GFUS: variants seen among roughly 807,000 people sequenced by gnomAD.
GFUS encodes 3-5 epimerase/4-reductase.
A neutral mutation model predicts 41.5 loss-of-function variants in GFUS; 42 were observed. That is an observed-to-expected ratio of 1.01 (90% CI 0.79 to 1.31). The LOEUF (loss-of-function observed/expected upper bound fraction) is 1.31, where lower values mean the gene tolerates loss of function less well. Ranked by LOEUF, GFUS falls within the 50% of genes most tolerant of loss-of-function variation. The pLI, the probability that GFUS is intolerant of heterozygous loss-of-function variation, is 0.00. For missense variants in GFUS, 437 were observed against 428.7 expected (o/e 1.02, Z -0.17); for synonymous variants, 188 against 173.4 (o/e 1.08, Z -0.66).
Position 143,616,143 on chromosome 8 carries a change from C to T in GFUS, c.224G>A (p.Gly75Asp). Residue 75 changes from glycine to aspartate, a missense_variant, in exon 3 of 11, where the codon GGC becomes GAC. Physicochemically the swap from Gly to Asp is moderately conservative, Grantham distance 94 (BLOSUM62 -1). Transcript: ENST00000425753. The stretch of plus-strand genomic sequence containing the variant: ...ATTGTATTTGATATTCCGGAACAGG[C>T]CCCCCACCATTGCAGCAAGATGGAT... ...HVIHLAAMVG[G>D]LFRNIKYNLD... 10 of 1,611,176 alleles carry T rather than the reference C, an allele frequency of 6.2e-6. No individual in the cohort carries two copies. The highest frequency in any genetic ancestry group is 7.6e-6 in the Non-Finnish European group (9 of 1,178,240).
rs1829641427 is a variant in GFUS, at chr8:143,613,746, C to T, written c.730+5G>A. The T allele has an allele frequency of 1.3e-6, 2 of 1,551,640 alleles. No homozygotes were observed. The highest frequency in any genetic ancestry group is 1.7e-6 in the Non-Finnish European group (2 of 1,147,406). On this transcript the variant is annotated splice_donor_5th_base_variant and intron_variant, in intron 8 of 10. Transcript: ENST00000425753. ...AGGAAGGGGGCTGAGGGCTGAGGTACCCACCGGAGAGGATGATGGGCTCCA... is the reference window on the plus strand; with the variant it reads ...AGGAAGGGGGCTGAGGGCTGAGGTATCCACCGGAGAGGATGATGGGCTCCA...
intron 7 of GFUS, 56 bp downstream of exon 7, chr8:143,614,108 G>A (rs987304727): frequency 6.2e-7 from 1 of 1,603,996 alleles, no homozygotes; most frequent in Non-Finnish European, 8.5e-7. Context: ...GCAGGGGCCA[G>A]CCCAGGGCTC....
intron 9 of GFUS, 34 bp from the exon 10 acceptor site, chr8:143,613,329 C>T (rs2242086): frequency 1.3e-6 from 2 of 1,596,608 alleles, no homozygotes; most frequent in Admixed American, 1.7e-5. Flanking sequence ...GCGAGAAGAG[C>T]ACCTCCACCC....
intron 9 of GFUS, 32 bp from the exon 10 acceptor site, chr8:143,613,327 A>G: frequency 6.2e-7 from 1 of 1,601,424 alleles, no homozygotes; most frequent in Admixed American, 1.7e-5. Flanking sequence ...CAGCGAGAAG[A>G]GCACCTCCAC....
chr8:143,615,729 G>A (rs1158936364), intron 3 of GFUS, among the ~76,000 whole-genome samples: 1 of 152,164 alleles, frequency 6.6e-6, no homozygotes, highest in Non-Finnish European at 1.5e-5. Flanking sequence ...TGGTGGGCCC[G>A]GCTAAGGGGA....
Position 143,614,776 on chromosome 8 carries a change from C to G in GFUS, c.390+11G>C, listed in dbSNP as rs752309215. On this transcript the variant is annotated intron_variant, in intron 4 of 10. Transcript: ENST00000425753. ...CCCCGGCCCCACCCACAGCCAGGCC[C>G]TGCCCCTCACCATGGTCTCATCTAT... The G allele has an allele frequency of 2.9e-5, 47 of 1,613,430 alleles. No homozygotes were observed. The highest frequency in any genetic ancestry group is 3.8e-5 in the Non-Finnish European group (45 of 1,180,020).
In GFUS at chr8:143,614,311, C is replaced by A. The variant is rs117266464; in HGVS notation, c.598+9G>T. 2.4e-3 allele frequency: 3,861 copies of A among 1,613,480 alleles called. 50 individuals are homozygous for A. Among genetic ancestry groups the A allele is most frequent in the East Asian group, 0.023 (1,011 of 44,872 alleles). ...GAGCCCGGGCACCCCATCGGACGGACGCACTCACTCTTGGCCAGGTGCACC... is the reference window on the plus strand; with the variant it reads ...GAGCCCGGGCACCCCATCGGACGGAAGCACTCACTCTTGGCCAGGTGCACC... On this transcript the variant is annotated intron_variant, in intron 6 of 10. Transcript: ENST00000425753.
chr8:143,614,852 C>G lies in GFUS; in HGVS notation c.325G>C (p.Val109Leu). The G allele has an allele frequency of 6.2e-7, 1 of 1,613,732 alleles. No homozygotes were observed. ...ATACAGGTGGACAGGCAGGACACCA[C>G]CTTGCGGGCGCCCACCTCAAAGGCC... ...HSAFEVGARK[V>L]VSCLSTCIFP... Residue 109 changes from valine (V) to leucine (L), a missense_variant, in exon 4 of 11, where the codon GTG becomes CTG. Val to Leu is a conservative substitution (Grantham distance 32). Transcript: ENST00000425753.
intron 1 of GFUS, 200 bp from the exon 2 acceptor site, chr8:143,616,923 G>A: frequency 1.6e-6 from 1 of 633,274 alleles, no homozygotes; most frequent in South Asian, 2.0e-5. Context: ...GCGCCGCAGG[G>A]GTCCTGAGCT....
intron 3 of GFUS, among the ~76,000 whole-genome samples, chr8:143,615,551 C>T (rs1829704719): frequency 6.6e-6 from 1 of 152,186 alleles, no homozygotes; most frequent in African/African-American, 2.4e-5. Flanking sequence ...CTAGTGCCTC[C>T]TACGCTTAGC....
intron 5 of GFUS, 37 bp downstream of exon 5, chr8:143,614,587 A>T (rs1471179687): frequency 6.4e-7 from 1 of 1,562,334 alleles, no homozygotes; most frequent in Non-Finnish European, 8.7e-7. Flanking sequence ...CCTCTCCCCG[A>T]CTCCTGGCTG....
chr8:143,614,841 G>C lies in GFUS; in HGVS notation c.336C>G (p.Cys112Trp). 1 of 1,613,838 alleles carries C rather than the reference G, an allele frequency of 6.2e-7. No individual in the cohort carries two copies. The highest frequency in any genetic ancestry group is 8.5e-7 in the Non-Finnish European group (1 of 1,179,992). Residue 112 changes from cysteine (C) to tryptophan (W), a missense_variant, in exon 4 of 11, where the codon TGC becomes TGG. By Grantham distance (215) the Cys-to-Trp change is radical. Transcript: ENST00000425753. ...TGTCAGGGAAGATACAGGTGGACAG[G>C]CAGGACACCACCTTGCGGGCGCCCA... ...FEVGARKVVS[C>W]LSTCIFPDKT...
chr8:143,615,522 C>T (rs1245879659), intron 3 of GFUS, among the ~76,000 whole-genome samples: 1 of 152,178 alleles, frequency 6.6e-6, no homozygotes, highest in East Asian at 1.9e-4. Context: ...GCAGAATCTC[C>T]TCTGAGCCTC....
Position 143,616,092 on chromosome 8 carries a change from C to T in GFUS, c.261+14G>A, listed in dbSNP as rs1366543868. On this transcript the variant is annotated intron_variant, in intron 3 of 10. Coordinates refer to ENST00000425753, the MANE Select transcript of GFUS (RefSeq NM_003313.4). ...TCCTGGTTTCCAGTGCTTGCTGGGG[C>T]CACCCTCACTTACCCAGAAGTCCAA... 1.3e-6 allele frequency: 2 copies of T among 1,553,848 alleles called. No individual in the cohort carries two copies. Among genetic ancestry groups the T allele is most frequent in the South Asian group, 2.4e-5 (2 of 83,556 alleles).
Position 143,614,354 on chromosome 8 carries a change from C to G in GFUS, c.564G>C (p.Leu188=), listed in dbSNP as rs778848191. The G allele has an allele frequency of 4.3e-6, 7 of 1,613,858 alleles. No individual in the cohort carries two copies. The East Asian group carries it at 1.3e-4, about 31-fold the overall frequency. Residue 188 remains leucine, a synonymous_variant, in exon 6 of 11, where the codon CTG becomes CTC. Transcript: ENST00000425753. The part of the protein sequence containing the change: ...DNFNIEDGHV[L]PGLIHKVHLA... ...GGTGCACCTTGTGGATGAGGCCAGG[C>G]AGCACGTGGCCATCCTCGATGTTGA... is the stretch of plus-strand genomic sequence containing the variant.
At position 143,616,112 on chromosome 8, in the gene GFUS, G is replaced by A. The variant is rs766037304; in HGVS notation, c.255C>T (p.Asp85=). The change falls in exon 3 of 11, where the codon GAC becomes GAT. Residue 85 remains aspartate, a synonymous_variant. Coordinates refer to ENST00000425753, the MANE Select transcript of GFUS (RefSeq NM_003313.4). ...TGGGGCCACCCTCACTTACCCAGAA[G>A]TCCAAATTGTATTTGATATTCCGGA... ...GLFRNIKYNL[D]FWRKNVHMND... 19 of 1,589,232 alleles carry A rather than the reference G, an allele frequency of 1.2e-5. No individual in the cohort carries two copies. Among genetic ancestry groups the A allele is most frequent in the Non-Finnish European group, 1.5e-5 (18 of 1,163,266 alleles).
At chr8:143,616,342 G>A (rs753843320) in intron 2 of GFUS, 122 bp from the exon 3 acceptor site, 1 of 1,184,344 alleles carries the variant, frequency 8.4e-7, no homozygotes, top group African/African-American at 1.5e-5. Context: ...GGTGGCCCCA[G>A]GGCCTGGCTG....
rs149753598 is a variant in GFUS at position 143,614,212 on chromosome 8, C to G, written c.615G>C (p.Leu205=). The G allele has an allele frequency of 1.2e-6, 2 of 1,613,496 alleles. No individual in the cohort carries two copies. Among genetic ancestry groups the G allele is most frequent in the Non-Finnish European group, 1.7e-6 (2 of 1,180,034 alleles). The stretch of plus-strand genomic sequence containing the variant: ...GCGGATTCCCTGTACCCCACACCGT[C>G]AGGGCCGAGCCGCTGCCTGCAGATT... ...VHLAKSSGSA[L]TVWGTGNPRR... Residue 205 remains leucine (L), a synonymous_variant, in exon 7 of 11, where the codon CTG becomes CTC. Transcript: ENST00000425753.
intron 7 of GFUS, 43 bp downstream of exon 7, chr8:143,614,121 T>C (rs371979905): frequency 5.0e-6 from 8 of 1,608,742 alleles, no homozygotes; most frequent in Admixed American, 3.3e-5. Context: ...CAGGGCTCAA[T>C]AGGGCAGGTT....
Sources: gnomAD v4.1 joint callset for allele counts (sites outside exome capture counted in the v4.1 genomes callset) on GRCh38, gnomAD v4.1.1 for gene constraint, MANE v1.5 for transcripts, NCBI Gene and HGNC (gene_info 2026-07-23, HGNC 2026-07-21) for gene names.